The following VAV3 variants were observed in gnomAD, a reference collection of about 807,000 sequenced individuals.
VAV3 encodes guanine nucleotide exchange factor VAV3.
A neutral mutation model predicts 131.2 loss-of-function variants in VAV3; 94 were observed. The ratio of observed to expected loss-of-function variants is 0.72; its 90% CI spans 0.61 to 0.85. VAV3 has a LOEUF of 0.85. VAV3 is among the 40% of genes least tolerant of loss of function. The pLI, the probability that VAV3 is intolerant of heterozygous loss-of-function variation, is 0.00. For synonymous variants in VAV3, 349 were observed against 342.0 expected (o/e 1.02, Z -0.22); for missense variants, 939 against 1,002.7 (o/e 0.94, Z 0.86).
chr1:107,799,383 C>T (rs1380373759), intron 2 of VAV3, among the ~76,000 whole-genome samples: 1 of 150,050 alleles, frequency 6.7e-6, no homozygotes, highest in Non-Finnish European at 1.5e-5. Flanking sequence ...AAAAACATAA[C>T]TTACGAAGTT....
intron 1 of VAV3, among the ~76,000 whole-genome samples, chr1:107,938,154 G>C (rs1673812362): frequency 2.0e-5 from 3 of 152,128 alleles, no homozygotes; most frequent in Admixed American, 2.0e-4. Flanking sequence ...TATATAAACA[G>C]GTGGTGGGAA....
intron 1 of VAV3, among the ~76,000 whole-genome samples, chr1:107,949,374 G>A (rs1301625413): frequency 6.6e-6 from 1 of 152,088 alleles, no homozygotes; most frequent in Non-Finnish European, 1.5e-5. Flanking sequence ...GCAGTGGCAT[G>A]ATCATGGCTC....
In VAV3 at chr1:107,784,471, T is replaced by C. The variant is rs115495621; in HGVS notation, c.322-4979A>G. On this transcript the variant is annotated intron_variant, in intron 2 of 26. Transcript: ENST00000370056. ...AAAGATCTTTTCAATTATGTGCAGA[T>C]TTTGCTATAGGAAAGATTTTTAAAT... is the stretch of plus-strand genomic sequence containing the variant. Among the ~76,000 whole-genome samples the C allele has an allele frequency of 6.6e-4, 100 of 152,320 alleles. 1 individual carries two copies. The highest frequency in any genetic ancestry group is 2.3e-3 in the African/African-American group (94 of 41,558).
chr1:107,749,606 A>T lies in VAV3; in HGVS notation c.1260-12T>A, dbSNP rs747195433. On this transcript the variant is annotated splice_polypyrimidine_tract_variant and intron_variant, in intron 13 of 26. Transcript: ENST00000370056. Reference sequence around the variant, plus strand: ...ATAAGAAGATATGCCTGGGAAAAAGAGATTGATTGATTGATTTTAAATGGT... The same window carrying T: ...ATAAGAAGATATGCCTGGGAAAAAGTGATTGATTGATTGATTTTAAATGGT... 2.5e-6 allele frequency: 4 copies of T among 1,606,598 alleles called. No individual in the cohort carries two copies. The highest frequency in any genetic ancestry group is 1.7e-6 in the Non-Finnish European group (2 of 1,177,904).
At chr1:107,785,028 T>C (rs1033660311) in intron 2 of VAV3, among the ~76,000 whole-genome samples, 18 of 152,220 alleles carry the variant, frequency 1.2e-4, no homozygotes, top group African/African-American at 3.9e-4. Flanking sequence ...TTTCATCCCT[T>C]AGTTAATTTA....
intron 8 of VAV3, among the ~76,000 whole-genome samples, chr1:107,765,475 C>T (rs1664686983): frequency 6.6e-6 from 1 of 152,128 alleles, no homozygotes; most frequent in South Asian, 2.1e-4. Context: ...GACATAAATG[C>T]ATTCCAAAAA....
chr1:107,753,561 C>CACACACACT (rs534112081), intron 12 of VAV3, among the ~76,000 whole-genome samples: 10 of 81,544 alleles, frequency 1.2e-4, no homozygotes, highest in Admixed American at 2.3e-4. Flanking sequence ...CACACACACA[C>CACACACACT]TTTTTTTTTT....
At chr1:107,610,295 T>A (rs1652633746) in intron 21 of VAV3, among the ~76,000 whole-genome samples, 1 of 152,106 alleles carries the variant, frequency 6.6e-6, no homozygotes, top group Non-Finnish European at 1.5e-5. Flanking sequence ...GAAAACGTTA[T>A]TAAGAAAACC....
In VAV3 at chr1:107,960,151, C is replaced by A. The variant is rs187850688; in HGVS notation, c.204+4515G>T. On this transcript the variant is annotated intron_variant, in intron 1 of 26. Coordinates refer to ENST00000370056, the MANE Select transcript of VAV3 (RefSeq NM_006113.5). The stretch of plus-strand genomic sequence containing the variant: ...GCTGCTCTCCAGTCTGTTCTCAATG[C>A]AGTAGCCAAAGTAACTGTAGGAAAG... 3.3e-3 allele frequency among the ~76,000 whole-genome samples: 503 copies of A among 152,288 alleles called. 2 individuals carry two copies. Among genetic ancestry groups the A allele is most frequent in the Middle Eastern group, 0.01 (3 of 294 alleles).
At chr1:107,934,979 A>G (rs1286931285) in intron 1 of VAV3, among the ~76,000 whole-genome samples, 2 of 152,236 alleles carry the variant, frequency 1.3e-5, no homozygotes, top group Non-Finnish European at 2.9e-5. Context: ...ACTAGTAACA[A>G]TAGCCTCTAA....
intron 19 of VAV3, among the ~76,000 whole-genome samples, chr1:107,650,623 T>C (rs1656089616): frequency 6.6e-6 from 1 of 151,294 alleles, no homozygotes. Flanking sequence ...GTTAGTTACA[T>C]ATGTATACAT....
At chr1:107,758,581 C>T (rs1450711135) in intron 10 of VAV3, among the ~76,000 whole-genome samples, 1 of 152,066 alleles carries the variant, frequency 6.6e-6, no homozygotes, top group Middle Eastern at 3.4e-3. Flanking sequence ...AACAACAAAA[C>T]CAGGTAATCA....
intron 1 of VAV3, among the ~76,000 whole-genome samples, chr1:107,917,600 A>G (rs375541263): frequency 1.0e-3 from 159 of 152,280 alleles, no homozygotes; most frequent in African/African-American, 3.2e-3. Flanking sequence ...CAAGAAAGAC[A>G]TTGAGTCTCA....
intron 1 of VAV3, among the ~76,000 whole-genome samples, chr1:107,919,184 T>C (rs1253647929): frequency 6.6e-6 from 1 of 152,228 alleles, no homozygotes; most frequent in African/African-American, 2.4e-5. Flanking sequence ...GACAATATAT[T>C]AAAGCTTTAT....
intron 20 of VAV3, among the ~76,000 whole-genome samples, chr1:107,637,194 A>G (rs905829904): frequency 1.3e-5 from 2 of 152,228 alleles, no homozygotes; most frequent in African/African-American, 4.8e-5. Context: ...TATTATGAAT[A>G]AAAATTCATG....
At chr1:107,719,915 TG>T (rs1488880856) in intron 15 of VAV3, among the ~76,000 whole-genome samples, 4 of 152,270 alleles carry the variant, frequency 2.6e-5, no homozygotes, top group East Asian at 3.9e-4. Flanking sequence ...TGTAGCAACA[TG>T]GATGAAGCTG....
At chr1:107,726,274 TAAAC>T (rs1021106298) in intron 15 of VAV3, among the ~76,000 whole-genome samples, 5 of 152,142 alleles carry the variant, frequency 3.3e-5, no homozygotes, top group Admixed American at 2.6e-4. Flanking sequence ...TCACAGAAGA[TAAAC>T]AAATCACTCC....
chr1:107,771,764 C>G (rs1665063185), intron 5 of VAV3, among the ~76,000 whole-genome samples: 1 of 152,216 alleles, frequency 6.6e-6, no homozygotes, highest in Non-Finnish European at 1.5e-5. Flanking sequence ...GTGAGGACTG[C>G]CCTTGCGGGA....
chr1:107,693,302 T>A (rs1292904394), intron 17 of VAV3, among the ~76,000 whole-genome samples: 1 of 152,208 alleles, frequency 6.6e-6, no homozygotes, highest in East Asian at 1.9e-4. Flanking sequence ...TGTTAAGACA[T>A]AAACTAATCA....
Sources: gnomAD v4.1 joint callset for allele counts (sites outside exome capture counted in the v4.1 genomes callset) on GRCh38, gnomAD v4.1.1 for gene constraint, MANE v1.5 for transcripts, NCBI Gene and HGNC (gene_info 2026-07-23, HGNC 2026-07-21) for gene names.